The following IL4I1 variants were observed in gnomAD, a reference collection of about 807,000 sequenced individuals.
IL4I1 encodes L-amino-acid oxidase.
A neutral mutation model predicts 29.7 loss-of-function variants in IL4I1; 24 were observed. That is an observed-to-expected ratio of 0.81 (90% CI 0.59 to 1.14). The LOEUF (loss-of-function observed/expected upper bound fraction) is 1.14. Among genes scored for constraint, IL4I1 ranks in the 50% most tolerant of loss-of-function variants. The pLI is 0.00. For synonymous variants in IL4I1, 371 were observed against 352.5 expected (o/e 1.05, Z -0.59); for missense variants, 686 against 785.6 (o/e 0.87, Z 1.52).
intron 4 of IL4I1, 38 bp from the exon 5 acceptor site, chr19:49,894,507 G>T: frequency 6.3e-7 from 1 of 1,588,124 alleles, no homozygotes; most frequent in Non-Finnish European, 8.6e-7. Context: ...CCGGGCTCCA[G>T]TGGGGGTGGC....
At chr19:49,900,061 T>C (rs1235559070), upstream of IL4I1, among the ~76,000 whole-genome samples, 21 of 152,246 alleles carry the variant, frequency 1.4e-4, no homozygotes, top group East Asian at 5.8e-4. Context: ...GGTCTCAAAC[T>C]CCTGGGCTCA....
chr19:49,911,754 TCCACTAAG>T (rs923665224), intron 2 of IL4I1, among the ~76,000 whole-genome samples: 1 of 152,176 alleles, frequency 6.6e-6, no homozygotes, highest in African/African-American at 2.4e-5. Context: ...GGCTGTTAGC[TCCACTAAG>T]CCAGTCTCTC....
chr19:49,915,803 C>G (rs1243712259), intron 2 of IL4I1, among the ~76,000 whole-genome samples: 1 of 152,174 alleles, frequency 6.6e-6, no homozygotes, highest in Non-Finnish European at 1.5e-5. Context: ...CTGGGGCAAC[C>G]CTGCCAGGAC....
At chr19:49,927,583 G>A (rs1372944427) in intron 2 of IL4I1, 2 of 152,188 alleles carry the variant, frequency 1.3e-5, no homozygotes, top group East Asian at 1.9e-4. Context: ...TAGGGCAAGT[G>A]CTCAAAAACT....
At chr19:49,894,017 G>T (rs1402198972) in intron 5 of IL4I1, among the ~76,000 whole-genome samples, 2 of 151,352 alleles carry the variant, frequency 1.3e-5, no homozygotes, top group Non-Finnish European at 2.9e-5. Flanking sequence ...AAAAAGAAGG[G>T]AGTTGAGAGA....
At chr19:49,926,606 C>T (rs556676620) in intron 2 of IL4I1, among the ~76,000 whole-genome samples, 12 of 152,296 alleles carry the variant, frequency 7.9e-5, no homozygotes, top group East Asian at 5.8e-4. Context: ...AAGATTCTAC[C>T]GGCGGGGCGG....
Sources: gnomAD v4.1 joint callset for allele counts (sites outside exome capture counted in the v4.1 genomes callset) on GRCh38, gnomAD v4.1.1 for gene constraint, MANE v1.5 for transcripts, NCBI Gene and HGNC (gene_info 2026-07-23, HGNC 2026-07-21) for gene names.